The following FAF1 variants were observed in gnomAD, a reference collection of about 807,000 sequenced individuals.
FAF1 encodes the protein Fas associated factor 1, also known as FAS-associated factor 1.
FAF1 carries 25 observed loss-of-function variants against 92.5 expected under a neutral mutation model. The ratio of observed to expected loss-of-function variants is 0.27; its 90% confidence interval spans 0.20 to 0.38. The LOEUF is 0.38. Ranked by LOEUF, FAF1 falls within the 10% of genes least tolerant of loss-of-function variation. The pLI is 1.00. For missense variants in FAF1, 636 were observed against 793.3 expected, an observed-to-expected ratio of 0.80 and a Z score of 2.38; for synonymous variants, 234 against 273.2, an observed-to-expected ratio of 0.86 and a Z score of 1.42.
intron 7 of FAF1, among the ~76,000 whole-genome samples, chr1:50,675,480 G>C (rs138729305): frequency 3.0e-4 from 46 of 152,358 alleles, no homozygotes; most frequent in African/African-American, 1.1e-3. Context: ...CAAAGAGGCA[G>C]ATGCTGCTCC....
chr1:50,906,762 G>C lies in FAF1; in HGVS notation c.46-48765C>G, dbSNP rs562979681. ...GAGACTTTGCTGAAGTTGCTTATCA[G>C]CTTAAGGAGATTTTGGGCTGAGACG... is the stretch of plus-strand genomic sequence containing the variant. On this transcript the variant is annotated intron_variant, in intron 1 of 18. Transcript: ENST00000396153. Among the ~76,000 whole-genome samples the C allele has an allele frequency of 2.4e-4, 37 of 152,300 alleles. 1 individual carries two copies. The South Asian group carries it at 3.1e-3, about 13-fold the overall frequency.
intron 1 of FAF1, among the ~76,000 whole-genome samples, chr1:50,870,555 T>C (rs1644519325): frequency 1.3e-5 from 2 of 152,248 alleles, no homozygotes; most frequent in Admixed American, 6.5e-5. Context: ...TAATTGCATG[T>C]TTCTGTGTCA....
At chr1:50,737,437 CT>C (rs1271456577) in intron 6 of FAF1, among the ~76,000 whole-genome samples, 1 of 152,160 alleles carries the variant, frequency 6.6e-6, no homozygotes, top group Admixed American at 6.5e-5. Flanking sequence ...AGTGATTACA[CT>C]TTGTTAACTA....
intron 6 of FAF1, among the ~76,000 whole-genome samples, chr1:50,719,175 C>T (rs1658308532): frequency 2.0e-5 from 3 of 152,074 alleles, no homozygotes; most frequent in Admixed American, 2.0e-4. Context: ...TTAATCTTTC[C>T]ACTATAAATA....
chr1:50,798,083 A>C (rs1227623698), intron 3 of FAF1, among the ~76,000 whole-genome samples: 1 of 152,124 alleles, frequency 6.6e-6, no homozygotes, highest in Non-Finnish European at 1.5e-5. Flanking sequence ...AAAAAAAAAA[A>C]AAACTCCGCA....
chr1:50,610,040 A>C (rs2124132667), intron 8 of FAF1, among the ~76,000 whole-genome samples: 1 of 152,322 alleles, frequency 6.6e-6, no homozygotes, highest in South Asian at 2.1e-4. Flanking sequence ...TAAATAAATT[A>C]AAGTATACTT....
chr1:50,469,714 G>A (rs1646547113), intron 18 of FAF1, among the ~76,000 whole-genome samples: 1 of 152,106 alleles, frequency 6.6e-6, no homozygotes, highest in African/African-American at 2.4e-5. Context: ...GGAAGCCATA[G>A]GTTTAATTTG....
At chr1:50,721,702 C>A (rs1443177224) in intron 6 of FAF1, among the ~76,000 whole-genome samples, 1 of 152,088 alleles carries the variant, frequency 6.6e-6, no homozygotes, top group Non-Finnish European at 1.5e-5. Flanking sequence ...CAGCTCATAA[C>A]AACATCAACC....
At chr1:50,544,185 T>C (rs1648893564) in intron 13 of FAF1, among the ~76,000 whole-genome samples, 1 of 152,218 alleles carries the variant, frequency 6.6e-6, no homozygotes, top group Non-Finnish European at 1.5e-5. Context: ...CATATGAGTT[T>C]CGGTGGGGAT....
chr1:50,946,392 A>T (rs952522628), intron 1 of FAF1, among the ~76,000 whole-genome samples: 4 of 152,234 alleles, frequency 2.6e-5, no homozygotes, highest in Admixed American at 2.6e-4. Flanking sequence ...CCTGGAACTC[A>T]GTCTGTAACC....
chr1:50,951,684 T>C (rs752636695), intron 1 of FAF1, among the ~76,000 whole-genome samples: 9 of 152,192 alleles, frequency 5.9e-5, no homozygotes, highest in Non-Finnish European at 8.8e-5. Context: ...GATTTGTCTC[T>C]TTAATAAATA....
chr1:50,608,490 T>C (rs916591856), intron 8 of FAF1, among the ~76,000 whole-genome samples: 1 of 152,170 alleles, frequency 6.6e-6, no homozygotes. Flanking sequence ...GCCATAACCA[T>C]GTATGACATT....
intron 13 of FAF1, among the ~76,000 whole-genome samples, chr1:50,550,806 A>G (rs1200935635): frequency 1.3e-5 from 2 of 152,234 alleles, no homozygotes; most frequent in African/African-American, 4.8e-5. Context: ...AGGACTCTCA[A>G]ATAAAATCAT....
rs1659526743 is a variant in FAF1 at position 50,744,900 on chromosome 1, T to C, written c.368-125A>G. ...GTCAATGACATTTGTCTGATGAATA[T>C]TTCTGTATCTATAAAATGGGAAATA... is the stretch of plus-strand genomic sequence containing the variant. On this transcript the variant is annotated intron_variant, in intron 4 of 18. Transcript: ENST00000396153. The C allele has an allele frequency of 6.0e-6, 3 of 498,210 alleles. No homozygotes were observed. The East Asian group carries it at 1.0e-4, about 17-fold the overall frequency. 30.9% of individuals were successfully genotyped at this position (498,210 alleles called of 1,614,324 possible). A position where few individuals can be genotyped will look rare whatever the true frequency, so the allele number is the denominator to read the frequency against.
intron 6 of FAF1, among the ~76,000 whole-genome samples, chr1:50,718,845 CA>C (rs1388356475): frequency 6.6e-6 from 1 of 152,056 alleles, no homozygotes; most frequent in African/African-American, 2.4e-5. Flanking sequence ...TTAGCTACAT[CA>C]AGATTTTAAA....
At chr1:50,946,524 C>T (rs1645173365) in intron 1 of FAF1, among the ~76,000 whole-genome samples, 1 of 152,148 alleles carries the variant, frequency 6.6e-6, no homozygotes, top group Non-Finnish European at 1.5e-5. Flanking sequence ...ATGAAGACAC[C>T]CTCATCTTTC....
intron 18 of FAF1, among the ~76,000 whole-genome samples, chr1:50,460,731 T>C (rs1473659261): frequency 1.3e-5 from 2 of 151,564 alleles, no homozygotes; most frequent in Non-Finnish European, 2.9e-5. Flanking sequence ...CCTCCCAGAC[T>C]GAAGTGATCC....
intron 1 of FAF1, among the ~76,000 whole-genome samples, chr1:50,905,203 A>C (rs1467493356): frequency 6.6e-6 from 1 of 152,204 alleles, no homozygotes; most frequent in African/African-American, 2.4e-5. Context: ...GTGTCCCTAC[A>C]AAGGACATGA....
intron 6 of FAF1, among the ~76,000 whole-genome samples, chr1:50,707,739 GAAAGA>G (rs1166535887): frequency 6.6e-6 from 1 of 151,866 alleles, no homozygotes; most frequent in African/African-American, 2.4e-5. Flanking sequence ...AAAAGGAAAA[GAAAGA>G]AAAGAAATTA....
Sources: allele counts gnomAD v4.1 joint callset (sites outside exome capture counted in the v4.1 genomes callset), GRCh38; gene constraint gnomAD v4.1.1; transcripts MANE v1.5; gene names NCBI Gene and HGNC (gene_info 2026-07-23, HGNC 2026-07-21).